The following LRRC20 variants were observed in gnomAD, a reference collection of about 807,000 sequenced individuals.
LRRC20 encodes the protein leucine rich repeat containing 20, also known as leucine-rich repeat-containing protein 20.
Under a neutral mutation model 14.4 loss-of-function variants are expected in LRRC20, and 11 were observed. The observed-to-expected ratio is 0.77, with a 90% CI of 0.48 to 1.27. The LOEUF (loss-of-function observed/expected upper bound fraction) is 1.27. Ranked by LOEUF, LRRC20 falls within the 50% of genes most tolerant of loss-of-function variation. LRRC20 has a pLI of 0.00. For synonymous variants in LRRC20, 121 were observed against 107.3 expected, an observed-to-expected ratio of 1.13 and a Z score of -0.79; for missense variants, 219 against 251.2, an observed-to-expected ratio of 0.87 and a Z score of 0.87.
In LRRC20 at chr10:70,352,929, G is replaced by A. The variant is rs1303117607; in HGVS notation, c.83-12227C>T. Among the ~76,000 whole-genome samples, 3 of 152,046 alleles carry A rather than the reference G, an allele frequency of 2.0e-5. No homozygotes were observed. In the East Asian group the frequency reaches 5.8e-4, roughly 29 times the overall value. The stretch of plus-strand genomic sequence containing the variant: ...CTATTTTCCCATCCCCCAGCTGCTG[G>A]CAACCACAGAACATTATAAACTTTT... On this transcript the variant is annotated intron_variant, in intron 2 of 4. Coordinates refer to ENST00000446961, the MANE Select transcript of LRRC20 (RefSeq NM_001278212.2).
chr10:70,377,211 C>G (rs986016358), intron 1 of LRRC20, among the ~76,000 whole-genome samples: 3 of 152,162 alleles, frequency 2.0e-5, no homozygotes, highest in Non-Finnish European at 4.4e-5. Context: ...GGTTACAGTA[C>G]TAGCCTGCAG....
chr10:70,335,398 G>A (rs141215752), intron 3 of LRRC20, among the ~76,000 whole-genome samples: 209 of 152,232 alleles, frequency 1.4e-3, no homozygotes, highest in South Asian at 0.012. Flanking sequence ...GCCCGCCCGC[G>A]CCCACACACA....
chr10:70,326,607 G>A (rs1165443472), intron 3 of LRRC20, among the ~76,000 whole-genome samples: 2 of 152,138 alleles, frequency 1.3e-5, no homozygotes, highest in Non-Finnish European at 2.9e-5. Flanking sequence ...GCAAACCCAG[G>A]CTTCCCCTGG....
At chr10:70,325,238 T>C (rs377155554) in intron 3 of LRRC20, among the ~76,000 whole-genome samples, 1 of 152,198 alleles carries the variant, frequency 6.6e-6, no homozygotes, top group South Asian at 2.1e-4. Context: ...ATGCCTTGTA[T>C]GGCCATCTTG....
At chr10:70,368,157 CTTTTTTT>C (rs373588441) in intron 2 of LRRC20, among the ~76,000 whole-genome samples, 6 of 102,814 alleles carry the variant, frequency 5.8e-5, no homozygotes, top group Non-Finnish European at 1.0e-4. Flanking sequence ...CTAATTTTTG[CTTTTTTT>C]TTTTTTTTTT....
chr10:70,344,175 C>G (rs12782007), intron 2 of LRRC20, among the ~76,000 whole-genome samples: 3 of 151,858 alleles, frequency 2.0e-5, no homozygotes, highest in Non-Finnish European at 2.9e-5. Flanking sequence ...GCACTCCAGC[C>G]TGAGTGACAG....
At chr10:70,343,571 C>T (rs1021411446) in intron 2 of LRRC20, among the ~76,000 whole-genome samples, 1 of 152,178 alleles carries the variant, frequency 6.6e-6, no homozygotes, top group African/African-American at 2.4e-5. Context: ...GGAACAAGCT[C>T]CCAAAAGTCA....
chr10:70,365,885 A>G, intron 2 of LRRC20, among the ~76,000 whole-genome samples: 1 of 151,964 alleles, frequency 6.6e-6, no homozygotes, highest in East Asian at 1.9e-4. Flanking sequence ...CCTGGCTAAC[A>G]CGGTGAAACC....
intron 3 of LRRC20, among the ~76,000 whole-genome samples, chr10:70,324,305 G>A (rs1386773274): frequency 6.6e-6 from 1 of 152,218 alleles, no homozygotes; most frequent in Non-Finnish European, 1.5e-5. Context: ...GCAGAAGCCT[G>A]GGCCTCAGCG....
intron 3 of LRRC20, among the ~76,000 whole-genome samples, chr10:70,336,056 G>A (rs747217121): frequency 1.3e-5 from 2 of 152,154 alleles, no homozygotes; most frequent in Non-Finnish European, 2.9e-5. Flanking sequence ...GCTCCTCCGG[G>A]GCCACGTCCA....
chr10:70,361,595 TA>T (rs926996218), intron 2 of LRRC20, among the ~76,000 whole-genome samples: 1 of 151,788 alleles, frequency 6.6e-6, no homozygotes, highest in Non-Finnish European at 1.5e-5. Context: ...TAAAAAAGAA[TA>T]AAAAAAGAGC....
At chr10:70,304,532 T>C (rs1000500598) in intron 4 of LRRC20, among the ~76,000 whole-genome samples, 18 of 141,580 alleles carry the variant, frequency 1.3e-4, no homozygotes, top group African/African-American at 4.6e-4. Flanking sequence ...ATAACAATCT[T>C]TTTTAAATAT....
At chr10:70,377,068 C>A (rs1333169361) in intron 1 of LRRC20, among the ~76,000 whole-genome samples, 1 of 152,214 alleles carries the variant, frequency 6.6e-6, no homozygotes. Flanking sequence ...TTCACCCCAC[C>A]CATATCTGCC....
At chr10:70,308,154 G>T (rs928899051) in intron 4 of LRRC20, among the ~76,000 whole-genome samples, 4 of 152,214 alleles carry the variant, frequency 2.6e-5, no homozygotes, top group African/African-American at 9.6e-5. Context: ...CCCAGATTTG[G>T]CCTCCGCTGA....
intron 2 of LRRC20, among the ~76,000 whole-genome samples, chr10:70,368,157 C>CTTT (rs373588441): frequency 4.3e-4 from 44 of 102,788 alleles, no homozygotes; most frequent in African/African-American, 9.2e-4. Flanking sequence ...CTAATTTTTG[C>CTTT]TTTTTTTTTT....
intron 4 of LRRC20, among the ~76,000 whole-genome samples, chr10:70,305,407 A>G (rs567251066): frequency 6.6e-6 from 1 of 152,282 alleles, no homozygotes; most frequent in Admixed American, 6.5e-5. Flanking sequence ...CCCCACCCAG[A>G]TAAAAATAGA....
intron 2 of LRRC20, among the ~76,000 whole-genome samples, chr10:70,361,513 A>C (rs1843719072): frequency 6.6e-6 from 1 of 152,236 alleles, no homozygotes; most frequent in Admixed American, 6.5e-5. Context: ...TCTAGGAGGA[A>C]GTGACATTTA....
chr10:70,374,434 T>C (rs1278664728), intron 2 of LRRC20, among the ~76,000 whole-genome samples: 1 of 149,336 alleles, frequency 6.7e-6, no homozygotes, highest in Non-Finnish European at 1.5e-5. Flanking sequence ...CACTGCAACC[T>C]CCATCTCCTG....
chr10:70,310,172 G>A (rs528896242), intron 4 of LRRC20, among the ~76,000 whole-genome samples: 43 of 152,250 alleles, frequency 2.8e-4, no homozygotes, highest in Non-Finnish European at 4.6e-4. Flanking sequence ...ACTCGCAAGT[G>A]ACAAGCCCAA....
Sources: gnomAD v4.1 joint callset for allele counts (sites outside exome capture counted in the v4.1 genomes callset) on GRCh38, gnomAD v4.1.1 for gene constraint, MANE v1.5 for transcripts, NCBI Gene and HGNC (gene_info 2026-07-23, HGNC 2026-07-21) for gene names.